Variants in MEF2A observed in about 807,000 individuals in gnomAD.
MEF2A encodes myocyte enhancer factor 2A.
Under a neutral mutation model 55.8 loss-of-function variants are expected in MEF2A, and 28 were observed. The ratio of observed to expected loss-of-function variants is 0.50; its 90% confidence interval spans 0.37 to 0.69. MEF2A has a LOEUF of 0.69. Ranked by LOEUF, MEF2A falls within the 30% of genes least tolerant of loss-of-function variation. MEF2A has a pLI of 0.00. For missense variants in MEF2A, 528 were observed against 626.2 expected, an observed-to-expected ratio of 0.84 and a Z score of 1.67; for synonymous variants, 239 against 227.1, an observed-to-expected ratio of 1.05 and a Z score of -0.47.
intron 3 of MEF2A, among the ~76,000 whole-genome samples, chr15:99,638,537 C>G (rs966608925): frequency 3.3e-5 from 5 of 152,074 alleles, no homozygotes; most frequent in African/African-American, 1.2e-4. Flanking sequence ...TTCTAGCAAT[C>G]TATTTTCTAG....
intron 4 of MEF2A, among the ~76,000 whole-genome samples, chr15:99,670,096 AAAG>A (rs1410642035): frequency 6.6e-6 from 1 of 152,226 alleles, no homozygotes; most frequent in Non-Finnish European, 1.5e-5. Context: ...ATTTTTTAAA[AAAG>A]AAGAAAGAAA....
At chr15:99,613,366 AGTT>A (rs1039573589) in intron 2 of MEF2A, among the ~76,000 whole-genome samples, 1 of 152,084 alleles carries the variant, frequency 6.6e-6, no homozygotes, top group Non-Finnish European at 1.5e-5. Flanking sequence ...TGAACTATCT[AGTT>A]ATTATTGTTT....
intron 5 of MEF2A, 134 bp downstream of exon 5, chr15:99,671,588 A>T (rs1380380705): frequency 6.2e-6 from 10 of 1,608,220 alleles, no homozygotes; most frequent in Non-Finnish European, 8.5e-6. Context: ...TGCTAACTCC[A>T]CATACAGAAG....
chr15:99,712,464 C>A lies in MEF2A; in HGVS notation c.1211C>A (p.Pro404Gln). 6.4e-7 allele frequency: 1 copy of A among 1,551,592 alleles called. No individual in the cohort carries two copies. The highest frequency in any genetic ancestry group is 8.7e-7 in the Non-Finnish European group (1 of 1,146,868). ...TNQNISIKSEPISPPRDRMTP... is the reference protein window; with the variant it reads ...TNQNISIKSEQISPPRDRMTP... ...CAAAACATCAGCATCAAGTCCGAACCGATTTCACCTCCTCGGGATCGTATG... is the reference window on the plus strand; with the variant it reads ...CAAAACATCAGCATCAAGTCCGAACAGATTTCACCTCCTCGGGATCGTATG... Residue 404 changes from proline (P) to glutamine (Q), a missense_variant, in exon 12 of 12, where the codon CCG becomes CAG. Transcript: ENST00000557942. This position sits in a 1 kb window ranked among gnomAD's most constrained non-coding sequence, Gnocchi z 4.1.
intron 8 of MEF2A, among the ~76,000 whole-genome samples, chr15:99,700,842 A>G (rs896217045): frequency 3.3e-5 from 5 of 152,350 alleles, no homozygotes; most frequent in East Asian, 3.9e-4. Flanking sequence ...CAAAATAACA[A>G]TAGTATTGGA....
At chr15:99,596,560 T>C (rs139266700) in intron 1 of MEF2A, among the ~76,000 whole-genome samples, 2 of 152,346 alleles carry the variant, frequency 1.3e-5, no homozygotes, top group African/African-American at 4.8e-5. Context: ...TAATAATTAA[T>C]ACTGCTGAAT....
chr15:99,642,853 A>G (rs1449822408), intron 3 of MEF2A, among the ~76,000 whole-genome samples: 1 of 152,196 alleles, frequency 6.6e-6, no homozygotes, highest in Non-Finnish European at 1.5e-5. Context: ...AAATTTCACC[A>G]AATCTGGCAG....
At chr15:99,643,758 A>AT (rs2153470686) in intron 3 of MEF2A, among the ~76,000 whole-genome samples, 1 of 151,948 alleles carries the variant, frequency 6.6e-6, no homozygotes, top group African/African-American at 2.4e-5. Context: ...CGCCCGGCTA[A>AT]TTTTTTGTGT....
At chr15:99,590,751 A>G (rs1400126705) in intron 1 of MEF2A, among the ~76,000 whole-genome samples, 1 of 151,906 alleles carries the variant, frequency 6.6e-6, no homozygotes. Context: ...TCCTTACTGT[A>G]GTGCACTTCC....
intron 4 of MEF2A, among the ~76,000 whole-genome samples, chr15:99,661,933 A>G (rs1739139592): frequency 6.6e-6 from 1 of 151,948 alleles, no homozygotes; most frequent in South Asian, 2.1e-4. Flanking sequence ...GCCATGTAAT[A>G]CAGTATTTAG....
At chr15:99,620,363 T>G in intron 2 of MEF2A, among the ~76,000 whole-genome samples, 1 of 152,200 alleles carries the variant, frequency 6.6e-6, no homozygotes, top group Non-Finnish European at 1.5e-5. Flanking sequence ...TCTAGTAGTC[T>G]CCAGTGTTTG....
intron 1 of MEF2A, among the ~76,000 whole-genome samples, chr15:99,574,233 A>C (rs1963523666): frequency 6.6e-6 from 1 of 152,084 alleles, no homozygotes; most frequent in African/African-American, 2.4e-5. Context: ...AGAGATTATT[A>C]TTTTATTTAC....
rs570474737 is a variant in MEF2A, at chr15:99,621,698, CAA to C, written c.-142-11279_-142-11278del. ...CATTTTCACTTGTCCATGACCATCT[CAA>C]GTTTCGTATGTCCAAAATTAAATCC... On this transcript the variant is annotated intron_variant, in intron 2 of 11. Coordinates refer to ENST00000557942, the MANE Select transcript of MEF2A (RefSeq NM_001319206.4). Among the ~76,000 whole-genome samples the C allele has an allele frequency of 2.3e-4, 35 of 152,272 alleles. No individual in the cohort carries two copies. The South Asian group carries it at 7.1e-3, about 31-fold the overall frequency.
At chr15:99,698,729 T>C (rs2056896363) in intron 8 of MEF2A, among the ~76,000 whole-genome samples, 2 of 151,936 alleles carry the variant, frequency 1.3e-5, no homozygotes, top group South Asian at 2.1e-4. Context: ...GAGGCAAAGG[T>C]TGCAGTGAGC....
At chr15:99,618,045 A>G (rs1285184591) in intron 2 of MEF2A, among the ~76,000 whole-genome samples, 2 of 152,250 alleles carry the variant, frequency 1.3e-5, no homozygotes, top group Non-Finnish European at 1.5e-5. Flanking sequence ...CCCACAGACA[A>G]TAAAGCATCC....
chr15:99,707,758 G>T (rs532271271), intron 10 of MEF2A, among the ~76,000 whole-genome samples: 2 of 152,308 alleles, frequency 1.3e-5, no homozygotes, highest in East Asian at 1.9e-4. Context: ...TCTCCTGAGT[G>T]TCATAAGTAG....
At chr15:99,612,898 ATTC>A (rs1466937522) in intron 2 of MEF2A, among the ~76,000 whole-genome samples, 3 of 151,864 alleles carry the variant, frequency 2.0e-5, no homozygotes, top group Non-Finnish European at 4.4e-5. Flanking sequence ...TTCTTCTCAT[ATTC>A]TTCTTTAGCA....
intron 7 of MEF2A, among the ~76,000 whole-genome samples, chr15:99,685,354 TCATC>T (rs1189012931): frequency 6.6e-6 from 1 of 152,232 alleles, no homozygotes; most frequent in African/African-American, 2.4e-5. Flanking sequence ...TTTGTTTGTG[TCATC>T]TGTGATTTCT....
At chr15:99,628,265 C>G (rs2042357721) in intron 2 of MEF2A, among the ~76,000 whole-genome samples, 2 of 152,056 alleles carry the variant, frequency 1.3e-5, no homozygotes, top group Non-Finnish European at 2.9e-5. Flanking sequence ...AGCCACACAA[C>G]TTTCTTTTGG....
Sources: allele counts gnomAD v4.1 joint callset (sites outside exome capture counted in the v4.1 genomes callset), GRCh38; gene constraint gnomAD v4.1.1; non-coding constraint Gnocchi (gnomAD v3.1); transcripts MANE v1.5; gene names NCBI Gene and HGNC (gene_info 2026-07-23, HGNC 2026-07-21).